The following DOK2 variants were observed in gnomAD, a reference collection of about 807,000 sequenced individuals.
DOK2 encodes the protein docking protein 2, 56kD.
Under a neutral mutation model 26.0 loss-of-function variants are expected in DOK2, and 28 were observed. The observed-to-expected ratio is 1.08, with a 90% confidence interval of 0.80 to 1.48. The LOEUF (loss-of-function observed/expected upper bound fraction) is 1.48. DOK2 is among the 40% of genes most tolerant of loss of function. DOK2 has a pLI of 0.00. For missense variants in DOK2, 682 were observed against 558.2 expected (o/e 1.22, Z -2.23); for synonymous variants, 282 against 236.9 (o/e 1.19, Z -1.75).
intron 1 of DOK2, 57 bp from the exon 2 acceptor site, chr8:21,912,567 T>C (rs1482334046): frequency 6.9e-7 from 1 of 1,442,820 alleles, no homozygotes. Context: ...GACGGGGAGA[T>C]CGTGAGCCAA....
chr8:21,912,077 T>C (rs1809872506), intron 2 of DOK2, 89 bp from the exon 3 acceptor site: 2 of 1,487,392 alleles, frequency 1.3e-6, no homozygotes, highest in Non-Finnish European at 8.9e-7. Context: ...CTCAACCTGC[T>C]GGCTCTGTCT....
Position 21,909,091 on chromosome 8 carries a change from G to T in DOK2, c.*220C>A. ...CTGGGGAAAGAAAGAGGAGGAAGTG[G>T]AAAAAGAGTAGGAGGAGGGTGGTTC... On this transcript the variant is annotated 3_prime_UTR_variant, in exon 5 of 5. Transcript: ENST00000276420. 1 of 475,664 alleles carries T rather than the reference G, an allele frequency of 2.1e-6. No homozygotes were observed. Among genetic ancestry groups the T allele is most frequent in the Non-Finnish European group, 3.7e-6 (1 of 270,152 alleles). 29.5% of individuals were successfully genotyped at this position (475,664 alleles called of 1,614,324 possible). A position where few individuals can be genotyped will look rare whatever the true frequency, so the allele number is the denominator to read the frequency against.
Position 21,913,555 on chromosome 8 carries a change from T to C in DOK2, c.47A>G (p.Gln16Arg). The C allele has an allele frequency of 6.2e-7, 1 of 1,614,096 alleles. No individual in the cohort carries two copies. Residue 16 changes from glutamine to arginine, a missense_variant, in exon 1 of 5, where the codon CAG (glutamine) becomes CGG (arginine). By Grantham distance (43) the Gln-to-Arg change is conservative (BLOSUM62 1). Transcript: ENST00000276420. ...CACTCCTACCTTTCCAAACGTCTGC[T>C]GCTGCTGAAGATACAAGAAGCCTTG... ...VKQGFLYLQQ[Q>R]QTFGKKWRRF...
rs779613815 is a variant in DOK2 at position 21,909,478 on chromosome 8, C to T, written c.1072G>A (p.Asp358Asn). 2 of 1,613,862 alleles carry T rather than the reference C, an allele frequency of 1.2e-6. No homozygotes were observed. ...TCACCCCGGGGCTCCTGCGGGCTGT[C>T]ATAGAGGGACAGGGCAGCCACTCCC... The part of the protein sequence containing the change: ...PEGVAALSLY[D>N]SPQEPRGEAW... Residue 358 changes from aspartate (D) to asparagine (N), a missense_variant, in exon 5 of 5, where the codon GAC becomes AAC. Asp to Asn is a conservative substitution (Grantham distance 23). Coordinates refer to ENST00000276420, the MANE Select transcript of DOK2 (RefSeq NM_003974.4).
chr8:21,913,522 C>T lies in DOK2; in HGVS notation c.63+17G>A, dbSNP rs1431102122. 6 of 1,613,916 alleles carry T rather than the reference C, an allele frequency of 3.7e-6. No homozygotes were observed. In the South Asian group the frequency reaches 6.6e-5, roughly 18 times the overall value. ...TCCCAGGCCCCCTGCCCAACCCCAG[C>T]CCAGCCTCACTCCTACCTTTCCAAA... On this transcript the variant is annotated intron_variant, in intron 1 of 4. Coordinates refer to ENST00000276420, the MANE Select transcript of DOK2 (RefSeq NM_003974.4).
intron 1 of DOK2, 198 bp from the exon 2 acceptor site, chr8:21,912,708 T>A: frequency 1.7e-6 from 1 of 595,620 alleles, no homozygotes; most frequent in Non-Finnish European, 2.8e-6. Flanking sequence ...AAATCGGAGA[T>A]CAGCCGCCAG....
rs546586223 is a variant in DOK2, at chr8:21,910,690, G to T, written c.601C>A (p.Arg201Ser). 7 of 1,613,918 alleles carry T rather than the reference G, an allele frequency of 4.3e-6. No homozygotes were observed. Among genetic ancestry groups the T allele is most frequent in the Non-Finnish European group, 5.1e-6 (6 of 1,180,020 alleles). The change falls in exon 4 of 5, where the codon CGC becomes AGC. Residue 201 changes from arginine to serine, a missense_variant. By Grantham distance (110) the Arg-to-Ser change is moderately radical. Transcript: ENST00000276420. ...CCACTCACCTTGTCCCGCCCAAAGC[G>T]CCGCAGAAACCTGTAGGGCCAGTCG... is the stretch of plus-strand genomic sequence containing the variant. ...LYDWPYRFLR[R>S]FGRDKVTFSF...
In DOK2 at chr8:21,909,872, G is replaced by C. The variant is rs144181895; in HGVS notation, c.678C>G (p.Phe226Leu). 1 of 1,613,778 alleles carries C rather than the reference G, an allele frequency of 6.2e-7. No homozygotes were observed. The highest frequency in any genetic ancestry group is 8.5e-7 in the Non-Finnish European group (1 of 1,180,018). The change falls in exon 5 of 5, where the codon TTC (phenylalanine) becomes TTG (leucine). Residue 226 changes from phenylalanine to leucine, a missense_variant. By Grantham distance (22) the Phe-to-Leu change is conservative. Coordinates refer to ENST00000276420, the MANE Select transcript of DOK2 (RefSeq NM_003974.4). The part of the protein sequence containing the change: ...RCVSGEGNFE[F>L]ETRQGNEIFL... ...AGATCTCATTGCCTTGCCGGGTTTC[G>C]AACTCAAAGTTGCCCTCTCCAGAGA...
chr8:21,909,128 C>G lies in DOK2; in HGVS notation c.*183G>C. 1.5e-6 allele frequency: 1 copy of G among 651,258 alleles called. No homozygotes were observed. Among genetic ancestry groups the G allele is most frequent in the Non-Finnish European group, 2.6e-6 (1 of 383,574 alleles). The allele number at this position is 651,258 out of a possible 1,614,324, so 40.3% of individuals were successfully genotyped here. ...GAGGAGGGTGGTTCTCTCCAGGGCA[C>G]CCTTCCTGCTTTGGGATGGTGACTC... On this transcript the variant is annotated 3_prime_UTR_variant, in exon 5 of 5. Transcript: ENST00000276420.
At position 21,909,311 on chromosome 8, in the gene DOK2, T is replaced by C; in HGVS notation, c.1239A>G (p.Ter413TrpextTer16). The C allele has an allele frequency of 6.6e-7, 1 of 1,525,018 alleles. No homozygotes were observed. Among genetic ancestry groups the C allele is most frequent in the Non-Finnish European group, 8.8e-7 (1 of 1,136,312 alleles). The allele number at this position is 1,525,018 out of a possible 1,614,324, so 94.5% of individuals were successfully genotyped here. A position where few individuals can be genotyped will look rare whatever the true frequency, so the allele number is the denominator to read the frequency against. Reference protein sequence around the residue: ...DNVVLKKGPK* With the variant: ...DNVVLKKGPKW ...GTGGACCATCCCTCTGCTGCCTCTG[T>C]CACTTTGGGCCTTTCTTTAGTACAA... is the stretch of plus-strand genomic sequence containing the variant. The change falls in exon 5 of 5, where the codon TGA becomes TGG. Residue 413 changes from the stop codon to tryptophan (W), a stop_lost. Coordinates refer to ENST00000276420, the MANE Select transcript of DOK2 (RefSeq NM_003974.4).
chr8:21,910,707 G>A lies in DOK2; in HGVS notation c.584C>T (p.Pro195Leu). 1 of 1,614,008 alleles carries A rather than the reference G, an allele frequency of 6.2e-7. No individual in the cohort carries two copies. Among genetic ancestry groups the A allele is most frequent in the South Asian group, 1.1e-5 (1 of 91,066 alleles). Residue 195 changes from proline to leucine, a missense_variant, in exon 4 of 5, where the codon CCC (proline) becomes CTC (leucine). Transcript: ENST00000276420. ...CCCAAAGCGCCGCAGAAACCTGTAG[G>A]GCCAGTCGTACAGCTGGGTCCCTGG... is the stretch of plus-strand genomic sequence containing the variant. ...PEPGTQLYDWPYRFLRRFGRD... is the reference protein window; with the variant it reads ...PEPGTQLYDWLYRFLRRFGRD...
At chr8:21,913,440 G>A in intron 1 of DOK2, 99 bp downstream of exon 1, 1 of 1,442,706 alleles carries the variant, frequency 6.9e-7, no homozygotes, top group Non-Finnish European at 9.6e-7. Flanking sequence ...TGCACAGTCA[G>A]ACCTATAAGG....
At chr8:21,912,188 C>G in intron 2 of DOK2, 41 bp downstream of exon 2, 1 of 1,508,618 alleles carries the variant, frequency 6.6e-7, no homozygotes, top group African/African-American at 1.4e-5. Flanking sequence ...CACCCTCGGC[C>G]TGCACGCCCC....
In DOK2 at chr8:21,909,640, C is replaced by A. The variant is rs748749050; in HGVS notation, c.910G>T (p.Asp304Tyr). 4 of 1,613,122 alleles carry A rather than the reference C, an allele frequency of 2.5e-6. No homozygotes were observed. The highest frequency in any genetic ancestry group is 2.2e-5 in the East Asian group (1 of 44,882). Residue 304 changes from aspartate (D) to tyrosine (Y), a missense_variant, in exon 5 of 5, where the codon GAT (aspartate) becomes TAT (tyrosine). Physicochemically the swap from Asp to Tyr is radical, Grantham distance 160 (BLOSUM62 -3). Coordinates refer to ENST00000276420, the MANE Select transcript of DOK2 (RefSeq NM_003974.4). ...TTCCCCAAGGAACGGGCCACCGCATCGAAGGGCACGGCATACTCCCCCTCC... is the reference window on the plus strand; with the variant it reads ...TTCCCCAAGGAACGGGCCACCGCATAGAAGGGCACGGCATACTCCCCCTCC... ...GQEGEYAVPF[D>Y]AVARSLGKNF...
rs1563299910 is a variant in DOK2, at chr8:21,912,255, G to A, written c.319C>T (p.Gln107Ter). The A allele has an allele frequency of 1.3e-6, 2 of 1,571,946 alleles. No homozygotes were observed. The change falls in exon 2 of 5, where the codon CAG (glutamine) becomes TAG (stop). Residue 107 changes from glutamine to a stop codon, truncating the protein, a stop_gained. Transcript: ENST00000276420. LOFTEE classifies it high-confidence loss of function. ...GGGAAGGCCAGGAGGCAGATGGCCT[G>A]CACCCAGTCGCCGCGCTCCGCTGCA... Reference protein sequence around the residue: ...APAAERGDWVQAICLLAFPGQ... With the variant: ...APAAERGDWV
In DOK2 at chr8:21,909,123, G is replaced by C; in HGVS notation, c.*188C>G. On this transcript the variant is annotated 3_prime_UTR_variant, in exon 5 of 5. Coordinates refer to ENST00000276420, the MANE Select transcript of DOK2 (RefSeq NM_003974.4). ...AGTAGGAGGAGGGTGGTTCTCTCCA[G>C]GGCACCCTTCCTGCTTTGGGATGGT... is the stretch of plus-strand genomic sequence containing the variant. The C allele has an allele frequency of 1.6e-6, 1 of 634,380 alleles. No individual in the cohort carries two copies. The highest frequency in any genetic ancestry group is 2.7e-6 in the Non-Finnish European group (1 of 370,796). 39.3% of individuals were successfully genotyped at this position (634,380 alleles called of 1,614,324 possible).
At position 21,909,197 on chromosome 8, in the gene DOK2, G is replaced by T; in HGVS notation, c.*114C>A. 2 of 1,327,328 alleles carry T rather than the reference G, an allele frequency of 1.5e-6. No individual in the cohort carries two copies. Among genetic ancestry groups the T allele is most frequent in the Non-Finnish European group, 1.0e-6 (1 of 973,850 alleles). 82.2% of individuals were successfully genotyped at this position (1,327,328 alleles called of 1,614,324 possible). ...GAGGCAATTTATCAGCCCCAACGAAGACAGGCCAGGCCTCGGGCTCCAGAA... is the reference window on the plus strand; with the variant it reads ...GAGGCAATTTATCAGCCCCAACGAATACAGGCCAGGCCTCGGGCTCCAGAA... On this transcript the variant is annotated 3_prime_UTR_variant, in exon 5 of 5. Transcript: ENST00000276420.
intron 4 of DOK2, among the ~76,000 whole-genome samples, chr8:21,910,395 T>C (rs553482498): frequency 5.3e-4 from 81 of 152,112 alleles, no homozygotes; most frequent in Non-Finnish European, 1.0e-3. Context: ...GGCAGAGACT[T>C]GGCTCTCTCC....
At chr8:21,912,059 C>G (rs960407520) in intron 2 of DOK2, 71 bp from the exon 3 acceptor site, 5 of 1,505,226 alleles carry the variant, frequency 3.3e-6, no homozygotes, top group Non-Finnish European at 4.4e-6. Flanking sequence ...GGCCTTCTTT[C>G]AGGCCACCTC....
Sources: gnomAD v4.1 joint callset for allele counts (sites outside exome capture counted in the v4.1 genomes callset) on GRCh38, gnomAD v4.1.1 for gene constraint, MANE v1.5 for transcripts, NCBI Gene and HGNC (gene_info 2026-07-23, HGNC 2026-07-21) for gene names.